The following TBC1D22A variants were observed in gnomAD, a reference collection of about 807,000 sequenced individuals.
The protein encoded by TBC1D22A is putative GTPase activator.
A neutral mutation model predicts 60.2 loss-of-function variants in TBC1D22A; 38 were observed. That is an observed-to-expected ratio of 0.63 (90% CI 0.49 to 0.83). The LOEUF (loss-of-function observed/expected upper bound fraction) is 0.83, where lower values mean the gene tolerates loss of function less well. Among genes scored for constraint, TBC1D22A ranks in the 40% least tolerant of loss-of-function variants. TBC1D22A has a pLI of 0.00. For synonymous variants in TBC1D22A, 302 were observed against 281.7 expected, an observed-to-expected ratio of 1.07 and a Z score of -0.72; for missense variants, 628 against 701.0, an observed-to-expected ratio of 0.90 and a Z score of 1.18.
chr22:46,921,984 G>C (rs1293763935), intron 8 of TBC1D22A, among the ~76,000 whole-genome samples: 1 of 152,146 alleles, frequency 6.6e-6, no homozygotes, highest in Non-Finnish European at 1.5e-5. Flanking sequence ...GTCTGGAGTG[G>C]TATTTCCTTA....
chr22:46,794,733 G>T (rs900294376), intron 3 of TBC1D22A, among the ~76,000 whole-genome samples: 1 of 152,188 alleles, frequency 6.6e-6, no homozygotes, highest in African/African-American at 2.4e-5. Flanking sequence ...GAACGCGGTG[G>T]CCCTGAGAGC....
chr22:46,974,327 G>A lies in TBC1D22A; in HGVS notation c.1053G>A (p.Val351=), dbSNP rs773622489. 1 of 1,606,610 alleles carries A rather than the reference G, an allele frequency of 6.2e-7. No individual in the cohort carries two copies. Among genetic ancestry groups the A allele is most frequent in the Non-Finnish European group, 8.5e-7 (1 of 1,176,762 alleles). ...EEVDTVDVSG[V]PAEVLCNIEA... ...TGGACACGGTGGACGTCTCCGGCGT[G>A]CCCGCAGAGGTGCTGTGCAACATCG... The change falls in exon 9 of 13, where the codon GTG becomes GTA. Residue 351 remains valine, a synonymous_variant. Coordinates refer to ENST00000337137, the MANE Select transcript of TBC1D22A (RefSeq NM_014346.5).
chr22:47,110,830 G>T (rs910865031), intron 11 of TBC1D22A, among the ~76,000 whole-genome samples: 1 of 152,204 alleles, frequency 6.6e-6, no homozygotes, highest in East Asian at 1.9e-4. Flanking sequence ...TGCAAGCCCC[G>T]AGCCTCGGTG....
chr22:47,125,635 C>G (rs184836267), intron 12 of TBC1D22A, among the ~76,000 whole-genome samples: 1 of 152,174 alleles, frequency 6.6e-6, no homozygotes, highest in African/African-American at 2.4e-5. Context: ...GGGAGAGACT[C>G]TGGGGTGACT....
At chr22:47,036,978 C>A in intron 10 of TBC1D22A, 93 bp from the exon 11 acceptor site, 1 of 1,518,176 alleles carries the variant, frequency 6.6e-7, no homozygotes, top group Non-Finnish European at 9.0e-7. Context: ...GGTTCTGAGG[C>A]GGGCGCAGGC....
rs1335918153 is a variant in TBC1D22A at position 46,792,532 on chromosome 22, G to T, written c.75G>T (p.Val25=). 2 of 1,614,216 alleles carry T rather than the reference G, an allele frequency of 1.2e-6. No individual in the cohort carries two copies. The highest frequency in any genetic ancestry group is 1.7e-6 in the Non-Finnish European group (2 of 1,180,040). ...NSKLPGSIQH[V]YGAQHPPFDP... ...TCTTTTCCATCAGCATCCAGCACGT[G>T]TATGGTGCCCAGCACCCCCCCTTTG... is the stretch of plus-strand genomic sequence containing the variant. Residue 25 remains valine, a synonymous_variant, in exon 2 of 13, where the codon GTG becomes GTT. Transcript: ENST00000337137.
At chr22:47,123,637 A>G (rs2066352757) in intron 12 of TBC1D22A, among the ~76,000 whole-genome samples, 2 of 152,252 alleles carry the variant, frequency 1.3e-5, no homozygotes, top group Non-Finnish European at 2.9e-5. Context: ...CGACAGGCTA[A>G]TGGCTTCATG....
At chr22:47,060,015 C>T (rs1668941370) in intron 11 of TBC1D22A, among the ~76,000 whole-genome samples, 1 of 152,160 alleles carries the variant, frequency 6.6e-6, no homozygotes, top group African/African-American at 2.4e-5. Context: ...ACATGGCCGT[C>T]CTCCTGTCAG....
At chr22:46,821,457 C>T (rs1028136499) in intron 4 of TBC1D22A, among the ~76,000 whole-genome samples, 1 of 152,074 alleles carries the variant, frequency 6.6e-6, no homozygotes, top group Non-Finnish European at 1.5e-5. Context: ...GTAACAAAAT[C>T]CCTCAGCATT....
At chr22:47,029,550 T>G (rs575858353) in intron 10 of TBC1D22A, among the ~76,000 whole-genome samples, 19 of 152,136 alleles carry the variant, frequency 1.2e-4, no homozygotes, top group African/African-American at 4.3e-4. Flanking sequence ...CCTGAGGCCT[T>G]AATGTGCTCT....
rs1555959658 is a variant in TBC1D22A at position 46,941,208 on chromosome 22, T to TACACACACACACACAG, written c.1015+29035_1015+29036insGACACACACACACACA. ...GAATATATATATATGTATATATGTA[T>TACACACACACACACAG]ACACACACACACACACACACACACA... On this transcript the variant is annotated intron_variant, in intron 8 of 12. Transcript: ENST00000337137. 4.8e-3 allele frequency among the ~76,000 whole-genome samples: 411 copies of TACACACACACACACAG among 84,874 alleles called. 10 individuals carry two copies. The highest frequency in any genetic ancestry group is 9.4e-3 in the Admixed American group (67 of 7,140). The allele number at this position is 84,874 out of a possible 152,430, so 55.7% of individuals were successfully genotyped here.
chr22:47,041,786 C>G (rs1169919253), intron 11 of TBC1D22A, among the ~76,000 whole-genome samples: 1 of 152,242 alleles, frequency 6.6e-6, no homozygotes, highest in African/African-American at 2.4e-5. Context: ...TAAATATTTT[C>G]AGGCTTGTGG....
intron 8 of TBC1D22A, among the ~76,000 whole-genome samples, chr22:46,931,079 G>C (rs2071333307): frequency 6.6e-6 from 1 of 152,186 alleles, no homozygotes; most frequent in South Asian, 2.1e-4. Flanking sequence ...CTGGACCGCA[G>C]GCAGCTTTGG....
At chr22:46,925,195 C>T (rs1165828323) in intron 8 of TBC1D22A, among the ~76,000 whole-genome samples, 1 of 152,196 alleles carries the variant, frequency 6.6e-6, no homozygotes, top group Non-Finnish European at 1.5e-5. Flanking sequence ...CCAAATACAT[C>T]CTTTGCCTGA....
At chr22:46,940,466 A>AGG (rs2071922569) in intron 8 of TBC1D22A, among the ~76,000 whole-genome samples, 3 of 147,052 alleles carry the variant, frequency 2.0e-5, no homozygotes, top group Admixed American at 6.8e-5. Context: ...ATATATATAT[A>AGG]TATGTATGTA....
At position 47,138,584 on chromosome 22, in the gene TBC1D22A, C is replaced by T. The variant is rs150335691; in HGVS notation, c.1425+26981C>T. 1.6e-3 allele frequency among the ~76,000 whole-genome samples: 237 copies of T among 152,344 alleles called. 2 individuals are homozygous for T. In the South Asian group the frequency reaches 0.019, roughly 12 times the overall value. ...GTAGGAGGCAGGTTTTGGCAAAGGC[C>T]GTCCTTGGAGAGCCCCCTTGGTGGG... On this transcript the variant is annotated intron_variant, in intron 12 of 12. Transcript: ENST00000337137.
At chr22:47,126,819 G>T (rs535020243) in intron 12 of TBC1D22A, among the ~76,000 whole-genome samples, 28 of 152,320 alleles carry the variant, frequency 1.8e-4, no homozygotes, top group Middle Eastern at 3.4e-3. Flanking sequence ...GACCCAGAAG[G>T]GTGGGCGGGA....
Position 47,099,643 on chromosome 22 carries a change from CTG to C in TBC1D22A, c.1330-11861_1330-11860del, listed in dbSNP as rs200256722. Among the ~76,000 whole-genome samples the C allele has an allele frequency of 6.3e-3, 965 of 152,204 alleles. 12 individuals carry two copies. The highest frequency in any genetic ancestry group is 0.022 in the African/African-American group (933 of 41,540). ...TATTTTTAGTAGAGATGGGGTTTCT[CTG>C]TGTTGGCCAGGCTGGTCTTGAACTC... On this transcript the variant is annotated intron_variant, in intron 11 of 12. Coordinates refer to ENST00000337137, the MANE Select transcript of TBC1D22A (RefSeq NM_014346.5).
intron 7 of TBC1D22A, among the ~76,000 whole-genome samples, chr22:46,905,717 C>T (rs1311670736): frequency 3.9e-5 from 6 of 152,202 alleles, no homozygotes; most frequent in Non-Finnish European, 8.8e-5. Flanking sequence ...CCAGGGATGT[C>T]CTGAACCTAG....
Sources: allele counts gnomAD v4.1 joint callset (sites outside exome capture counted in the v4.1 genomes callset), GRCh38; gene constraint gnomAD v4.1.1; transcripts MANE v1.5; gene names NCBI Gene and HGNC (gene_info 2026-07-23, HGNC 2026-07-21).